SP110: variants seen among roughly 807,000 people sequenced by gnomAD.
SP110 encodes the protein SP110 nuclear body protein.
SP110 carries 62 observed loss-of-function variants against 92.7 expected under a neutral mutation model. The ratio of observed to expected loss-of-function variants is 0.67; its 90% CI spans 0.55 to 0.83. The LOEUF (loss-of-function observed/expected upper bound fraction) is 0.83. SP110 is among the 40% of genes least tolerant of loss of function. SP110 has a pLI of 0.00. For missense variants in SP110, 793 were observed against 863.9 expected (o/e 0.92, Z 1.03); for synonymous variants, 273 against 305.3 (o/e 0.89, Z 1.10).
chr2:230,183,075 TGAA>T (rs1247870422), intron 12 of SP110, among the ~76,000 whole-genome samples: 2 of 152,008 alleles, frequency 1.3e-5, no homozygotes, highest in African/African-American at 4.8e-5. Context: ...GAAATGATGC[TGAA>T]GAAGCAAGGT....
chr2:230,193,123 T>C (rs1348024408), intron 10 of SP110, among the ~76,000 whole-genome samples: 1 of 152,200 alleles, frequency 6.6e-6, no homozygotes, highest in Non-Finnish European at 1.5e-5. Flanking sequence ...TTGCCTTTTT[T>C]TACTGTTGTT....
chr2:230,211,337 G>A lies in SP110; in HGVS notation c.751+133C>T. On this transcript the variant is annotated intron_variant, in intron 6 of 18. Transcript: ENST00000258381. The surrounding 1 kb of genome is among the most constrained non-coding windows in gnomAD (Gnocchi z 4.2). ...TGCCTGTTCAAGCTCCCAAGTGCTGGGTGAACTGGAAGCTGGGCCAAGATT... is the reference window on the plus strand; with the variant it reads ...TGCCTGTTCAAGCTCCCAAGTGCTGAGTGAACTGGAAGCTGGGCCAAGATT... 1.4e-6 allele frequency: 1 copy of A among 723,568 alleles called. No homozygotes were observed. Among genetic ancestry groups the A allele is most frequent in the Non-Finnish European group, 2.5e-6 (1 of 395,952 alleles). The allele number at this position is 723,568 out of a possible 1,614,324, so 44.8% of individuals were successfully genotyped here. A position where few individuals can be genotyped will look rare whatever the true frequency, so the allele number is the denominator to read the frequency against.
At chr2:230,205,449 A>G (rs997292392) in intron 8 of SP110, among the ~76,000 whole-genome samples, 3 of 152,040 alleles carry the variant, frequency 2.0e-5, no homozygotes, top group African/African-American at 7.2e-5. Flanking sequence ...TTGTAATCCT[A>G]TCCATTATTT....
At chr2:230,183,936 A>G (rs2042241310) in intron 11 of SP110, among the ~76,000 whole-genome samples, 1 of 152,208 alleles carries the variant, frequency 6.6e-6, no homozygotes, top group African/African-American at 2.4e-5. Flanking sequence ...CCCCTTATCC[A>G]CACGGCATGT....
chr2:230,201,337 G>T (rs1261926736), intron 9 of SP110, among the ~76,000 whole-genome samples: 1 of 152,132 alleles, frequency 6.6e-6, no homozygotes, highest in Non-Finnish European at 1.5e-5. Context: ...GATGTTATTT[G>T]CCTTTTTCAC....
At position 230,185,974 on chromosome 2, in the gene SP110, G is replaced by A. The variant is rs775027595; in HGVS notation, c.1279+20C>T. The A allele has an allele frequency of 6.2e-7, 1 of 1,611,854 alleles. No individual in the cohort carries two copies. The highest frequency in any genetic ancestry group is 1.7e-5 in the Admixed American group (1 of 60,032). On this transcript the variant is annotated intron_variant, in intron 11 of 18. Transcript: ENST00000258381. ...CCTACATTGAGCTATTCAAATAGCA[G>A]ATTCCATCATTAGCCTTACCTTTCA...
rs373613154 is a variant in SP110, at chr2:230,188,466, G to T, written c.1130-2323C>A. ...ATACTTTGATTTCTTTTCCAATTTG[G>T]ATGTCATTTATTTCTTTCTCTTTTC... On this transcript the variant is annotated intron_variant, in intron 10 of 18. Transcript: ENST00000258381. Among the ~76,000 whole-genome samples the T allele has an allele frequency of 3.3e-3, 501 of 152,118 alleles. 3 individuals carry two copies. The highest frequency in any genetic ancestry group is 0.012 in the African/African-American group (479 of 41,524).
intron 8 of SP110, among the ~76,000 whole-genome samples, chr2:230,204,102 C>A (rs1463551125): frequency 6.6e-6 from 1 of 152,064 alleles, no homozygotes; most frequent in African/African-American, 2.4e-5. Flanking sequence ...TTTAAAAAAC[C>A]TGAAAAATTT....
At chr2:230,182,427 T>C (rs1010791400) in intron 12 of SP110, among the ~76,000 whole-genome samples, 1 of 152,056 alleles carries the variant, frequency 6.6e-6, no homozygotes, top group Admixed American at 6.6e-5. Context: ...GTAACAAGCC[T>C]GCACATCCTG....
chr2:230,202,014 T>TGAATGCAGAAACAGTTGTAG (rs1201908293), intron 9 of SP110, among the ~76,000 whole-genome samples: 6 of 152,326 alleles, frequency 3.9e-5, no homozygotes, highest in African/African-American at 1.4e-4. Context: ...ATATCACAAC[T>TGAATGCAGAAACAGTTGTAG]GAATGCAGAA....
intron 1 of SP110, among the ~76,000 whole-genome samples, chr2:230,219,009 G>C (rs1175571744): frequency 6.6e-6 from 1 of 152,208 alleles, no homozygotes; most frequent in African/African-American, 2.4e-5. Flanking sequence ...CGGATCAGCT[G>C]AGGTCAGGAG....
At chr2:230,204,652 A>T (rs1201525754) in intron 8 of SP110, among the ~76,000 whole-genome samples, 1 of 151,980 alleles carries the variant, frequency 6.6e-6, no homozygotes, top group East Asian at 1.9e-4. Context: ...GTGCCAGGAC[A>T]TTACCATCTA....
Position 230,208,017 on chromosome 2 carries a change from C to T in SP110, c.872G>A (p.Arg291Lys), listed in dbSNP as rs749941138. ...KRCIWSTPKR[R>K]HKKKSLPGGT... Reference sequence around the variant, plus strand: ...TCCTGGGAGGCTTTTTTTCTTATGTCTCCTTTTTGGAGTTGACCAGATACA... The same window carrying T: ...TCCTGGGAGGCTTTTTTTCTTATGTTTCCTTTTTGGAGTTGACCAGATACA... The change falls in exon 8 of 19, where the codon AGA becomes AAA. Residue 291 changes from arginine to lysine, a missense_variant. Arg to Lys is a conservative substitution (Grantham distance 26). Coordinates refer to ENST00000258381, the MANE Select transcript of SP110 (RefSeq NM_080424.4). The T allele has an allele frequency of 9.6e-6, 15 of 1,567,788 alleles. No individual in the cohort carries two copies. The highest frequency in any genetic ancestry group is 1.2e-5 in the Non-Finnish European group (14 of 1,140,330).
chr2:230,222,773 T>A (rs1407269022), upstream of SP110, among the ~76,000 whole-genome samples: 1 of 151,418 alleles, frequency 6.6e-6, no homozygotes, highest in Non-Finnish European at 1.5e-5. Flanking sequence ...ATCCCCTCCT[T>A]AAGGCCAGCA....
intron 4 of SP110, among the ~76,000 whole-genome samples, 157 bp from the exon 5 acceptor site, chr2:230,212,587 C>A (rs1461971384): frequency 6.6e-6 from 1 of 152,168 alleles, no homozygotes; most frequent in Non-Finnish European, 1.5e-5. Flanking sequence ...GACTCTAGGT[C>A]TTACCCACCC....
chr2:230,197,175 C>A (rs368303483), intron 10 of SP110, among the ~76,000 whole-genome samples: 3 of 151,968 alleles, frequency 2.0e-5, no homozygotes, highest in Admixed American at 6.6e-5. Context: ...TAAAAGTGTT[C>A]CTATTTCTCC....
At position 230,209,998 on chromosome 2, in the gene SP110, A is replaced by C. The variant is rs1039415543; in HGVS notation, c.762T>G (p.Asp254Glu). The change falls in exon 7 of 19, where the codon GAT (aspartate) becomes GAG (glutamate). Residue 254 changes from aspartate to glutamate, a missense_variant. Transcript: ENST00000258381. ...SPLGSMPEIRDNSPEPNDPEE... is the reference protein window; with the variant it reads ...SPLGSMPEIRENSPEPNDPEE... ...CTGGGTCATTTGGTTCTGGAGAATT[A>C]TCTCTTATCTCTGACAAAAGAAATA... 1 of 1,593,554 alleles carries C rather than the reference A, an allele frequency of 6.3e-7. No homozygotes were observed. The highest frequency in any genetic ancestry group is 1.1e-5 in the South Asian group (1 of 90,688).
chr2:230,214,862 C>G, intron 3 of SP110, 88 bp downstream of exon 3: 1 of 1,079,822 alleles, frequency 9.3e-7, no homozygotes, highest in Non-Finnish European at 1.4e-6. Context: ...GGGGGATTAA[C>G]GTGCATATTC....
At chr2:230,189,103 T>G (rs574404701) in intron 10 of SP110, among the ~76,000 whole-genome samples, 263 of 146,788 alleles carry the variant, frequency 1.8e-3, no homozygotes, top group Non-Finnish European at 3.2e-3. Context: ...TCTTTTTTTT[T>G]GGTTACTCTG....
Sources: allele counts gnomAD v4.1 joint callset (sites outside exome capture counted in the v4.1 genomes callset), GRCh38; gene constraint gnomAD v4.1.1; non-coding constraint Gnocchi (gnomAD v3.1); transcripts MANE v1.5; gene names NCBI Gene and HGNC (gene_info 2026-07-23, HGNC 2026-07-21).